KHDRBS2: variants seen among roughly 807,000 people sequenced by gnomAD.
The protein encoded by KHDRBS2 is KH domain-containing, RNA-binding, signal transduction-associated protein 2.
In KHDRBS2, 26 loss-of-function variants were observed where a neutral mutation model predicts 44.3. The ratio of observed to expected loss-of-function variants is 0.59; its 90% CI spans 0.43 to 0.81. The LOEUF is 0.81. Ranked by LOEUF, KHDRBS2 falls within the 40% of genes least tolerant of loss-of-function variation. The pLI is 0.00. For synonymous variants in KHDRBS2, 194 were observed against 151.1 expected, an observed-to-expected ratio of 1.28 and a Z score of -2.08; for missense variants, 476 against 433.1, an observed-to-expected ratio of 1.10 and a Z score of -0.88.
chr6:62,213,739 T>C (rs1829485077), intron 1 of KHDRBS2, among the ~76,000 whole-genome samples: 1 of 151,686 alleles, frequency 6.6e-6, no homozygotes, highest in Non-Finnish European at 1.5e-5. Context: ...CCAGGCATGG[T>C]GGTGGACACC....
At chr6:62,198,069 C>T (rs1399303937) in intron 1 of KHDRBS2, among the ~76,000 whole-genome samples, 1 of 152,108 alleles carries the variant, frequency 6.6e-6, no homozygotes, top group African/African-American at 2.4e-5. Flanking sequence ...ATCAGAATCT[C>T]GGGGACACAT....
chr6:61,912,426 C>T (rs541446472), intron 4 of KHDRBS2, among the ~76,000 whole-genome samples: 4 of 152,292 alleles, frequency 2.6e-5, no homozygotes, highest in African/African-American at 7.2e-5. Flanking sequence ...AGCTGGGCTT[C>T]TTGTCCTCAA....
the KHDRBS2 span, among the ~76,000 whole-genome samples, chr6:61,610,517 T>G: frequency 2.0e-5 from 3 of 152,138 alleles, no homozygotes; most frequent in African/African-American, 7.2e-5. Flanking sequence ...GAGGCTGTAG[T>G]CACCTAAAAG....
intron 7 of KHDRBS2, among the ~76,000 whole-genome samples, chr6:61,714,164 C>A (rs1771000667): frequency 6.6e-6 from 1 of 151,800 alleles, no homozygotes; most frequent in Admixed American, 6.6e-5. Flanking sequence ...GGACTAATAT[C>A]CAGAATCTAC....
chr6:61,758,738 T>A (rs1562108129), intron 6 of KHDRBS2, among the ~76,000 whole-genome samples: 1 of 152,112 alleles, frequency 6.6e-6, no homozygotes, highest in Non-Finnish European at 1.5e-5. Context: ...AACCTATGGT[T>A]TGGTTTTCAT....
At chr6:62,235,734 T>C (rs1207323649) in intron 1 of KHDRBS2, among the ~76,000 whole-genome samples, 2 of 152,028 alleles carry the variant, frequency 1.3e-5, no homozygotes, top group African/African-American at 4.8e-5. Context: ...ATCAGCAAAG[T>C]GTTTCCCTTC....
chr6:62,104,157 T>A (rs1297531525), intron 2 of KHDRBS2, among the ~76,000 whole-genome samples: 1 of 152,234 alleles, frequency 6.6e-6, no homozygotes, highest in Non-Finnish European at 1.5e-5. Context: ...TATAAAAGAC[T>A]TAAACAAAAC....
intron 2 of KHDRBS2, among the ~76,000 whole-genome samples, chr6:62,107,613 CA>C (rs1803778467): frequency 1.3e-5 from 2 of 152,004 alleles, no homozygotes; most frequent in South Asian, 2.1e-4. Context: ...CATATGGAAC[CA>C]AAAAAGAGCC....
At chr6:62,239,623 G>A (rs183399230) in intron 1 of KHDRBS2, among the ~76,000 whole-genome samples, 1 of 151,670 alleles carries the variant, frequency 6.6e-6, no homozygotes, top group East Asian at 1.9e-4. Flanking sequence ...TGCTTTTGGG[G>A]GGAAAAAAAG....
At chr6:61,647,338 A>G in the KHDRBS2 span, among the ~76,000 whole-genome samples, 1 of 152,090 alleles carries the variant, frequency 6.6e-6, no homozygotes, top group African/African-American at 2.4e-5. Flanking sequence ...TTATATTTCA[A>G]AGGAGGGATC....
rs1796843444 is a variant in KHDRBS2 at position 61,860,828 on chromosome 6, C to G, written c.810+33807G>C. 2.6e-5 allele frequency among the ~76,000 whole-genome samples: 4 copies of G among 152,164 alleles called. No individual in the cohort carries two copies. The South Asian group carries it at 8.3e-4, about 32-fold the overall frequency. ...CACAATGGTTGAACTAATTTACTCT[C>G]CCACCAAAAGTGTAAAAGCATTATT... On this transcript the variant is annotated intron_variant, in intron 6 of 8. Coordinates refer to ENST00000281156, the MANE Select transcript of KHDRBS2 (RefSeq NM_152688.4).
chr6:61,613,232 A>C, the KHDRBS2 span, among the ~76,000 whole-genome samples: 1 of 152,276 alleles, frequency 6.6e-6, no homozygotes, highest in Admixed American at 6.5e-5. Context: ...GGAGACCAAG[A>C]ACCTTGTGTG....
At chr6:61,578,148 A>T in the KHDRBS2 span, among the ~76,000 whole-genome samples, 8 of 152,236 alleles carry the variant, frequency 5.3e-5, no homozygotes, top group African/African-American at 1.7e-4. Context: ...AGAAGGTGGC[A>T]GGGCTGAAGG....
chr6:61,757,846 C>T (rs762538385), intron 6 of KHDRBS2, among the ~76,000 whole-genome samples: 37 of 152,218 alleles, frequency 2.4e-4, no homozygotes, highest in Admixed American at 1.2e-3. Flanking sequence ...CACAATGTCC[C>T]ATTAATAACG....
At chr6:62,253,907 C>T (rs1186947898) in intron 1 of KHDRBS2, among the ~76,000 whole-genome samples, 1 of 151,800 alleles carries the variant, frequency 6.6e-6, no homozygotes, top group Non-Finnish European at 1.5e-5. Flanking sequence ...TTTACATAGC[C>T]CTGAGGACTG....
At chr6:61,616,094 C>T in the KHDRBS2 span, among the ~76,000 whole-genome samples, 125 of 152,158 alleles carry the variant, frequency 8.2e-4, no homozygotes, top group African/African-American at 3.0e-3. Flanking sequence ...AATGGCATTT[C>T]CTTTCTGAAA....
At chr6:61,939,707 C>T (rs1315862817) in intron 4 of KHDRBS2, among the ~76,000 whole-genome samples, 2 of 152,132 alleles carry the variant, frequency 1.3e-5, no homozygotes, top group African/African-American at 2.4e-5. Context: ...CAAGAACAGC[C>T]TTTCTTTGAA....
intron 1 of KHDRBS2, among the ~76,000 whole-genome samples, chr6:62,220,072 GCATGAGATGGACTGACATAATTTCT>G (rs1830650032): frequency 6.6e-6 from 1 of 151,392 alleles, no homozygotes; most frequent in African/African-American, 2.4e-5. Flanking sequence ...CTAGGGAGGA[GCATGAGATGGACTGACATAATTTCT>G]CAGTAACAGC....
At chr6:61,662,548 A>G in the KHDRBS2 span, among the ~76,000 whole-genome samples, 1,920 of 152,316 alleles carry the variant, frequency 0.013, 48 homozygotes, top group African/African-American at 0.044. Flanking sequence ...AAACAAATTT[A>G]CAAGAAAAAA....
Sources: allele counts gnomAD v4.1 joint callset (sites outside exome capture counted in the v4.1 genomes callset), GRCh38; gene constraint gnomAD v4.1.1; transcripts MANE v1.5; gene names NCBI Gene and HGNC (gene_info 2026-07-23, HGNC 2026-07-21).